Variants in SEMA6A observed in about 807,000 individuals in gnomAD.
SEMA6A encodes semaphorin-6A.
Under a neutral mutation model 96.8 loss-of-function variants are expected in SEMA6A, and 25 were observed. The ratio of observed to expected loss-of-function variants is 0.26; its 90% CI spans 0.19 to 0.36. The LOEUF is 0.36. Ranked by LOEUF, SEMA6A falls within the 10% of genes least tolerant of loss-of-function variation. The probability of loss-of-function intolerance (pLI) is 1.00; values close to 1 mark genes in which losing one functional copy is unlikely to be tolerated. For missense variants in SEMA6A, 1,363 were observed against 1,323.1 expected (o/e 1.03, Z -0.47); for synonymous variants, 612 against 518.0 (o/e 1.18, Z -2.46).
intron 3 of SEMA6A, among the ~76,000 whole-genome samples, chr5:116,498,186 C>G (rs1757695233): frequency 6.6e-6 from 1 of 152,112 alleles, no homozygotes; most frequent in African/African-American, 2.4e-5. Context: ...GAACTACACT[C>G]AACAGAGGAG....
intron 16 of SEMA6A, among the ~76,000 whole-genome samples, 159 bp downstream of exon 16, chr5:116,475,386 G>A (rs1250306104): frequency 3.9e-5 from 6 of 152,070 alleles, no homozygotes; most frequent in African/African-American, 1.4e-4. Flanking sequence ...GCTTTAGAAC[G>A]CACTGCTTTC....
rs140558779 is a variant in SEMA6A at position 116,564,583 on chromosome 5, G to A, written c.-39+9602C>T. Among the ~76,000 whole-genome samples the A allele has an allele frequency of 3.0e-3, 457 of 152,224 alleles. 1 individual carries two copies. The highest frequency in any genetic ancestry group is 5.6e-3 in the Admixed American group (86 of 15,288). ...GCATCACACGTGAAGCACATAAATC[G>A]CCAGAATGTGTGTATGTGTATCACC... On this transcript the variant is annotated intron_variant, in intron 1 of 18. Coordinates refer to ENST00000343348, the MANE Select transcript of SEMA6A (RefSeq NM_020796.5).
chr5:116,527,438 G>T (rs560340136), intron 1 of SEMA6A, among the ~76,000 whole-genome samples: 1 of 152,048 alleles, frequency 6.6e-6, no homozygotes, highest in Non-Finnish European at 1.5e-5. Context: ...AAATACATGC[G>T]CTTTTTTCTA....
chr5:116,496,455 CCGTAACAACAAA>C (rs1757608852), intron 4 of SEMA6A, 142 bp from the exon 5 acceptor site: 1 of 597,620 alleles, frequency 1.7e-6, no homozygotes, highest in Non-Finnish European at 2.8e-6. Context: ...GATTAATTCA[CCGTAACAACAAA>C]AGATTCCAGA....
intron 15 of SEMA6A, among the ~76,000 whole-genome samples, chr5:116,476,923 G>A (rs1756480023): frequency 6.6e-6 from 1 of 152,204 alleles, no homozygotes; most frequent in African/African-American, 2.4e-5. Flanking sequence ...CTGTTTACGA[G>A]AGTACTTGTC....
At chr5:116,465,230 G>C (rs1755655926) in intron 18 of SEMA6A, among the ~76,000 whole-genome samples, 1 of 152,168 alleles carries the variant, frequency 6.6e-6, no homozygotes. Context: ...ACGCCATCAT[G>C]AGTCAGAAAA....
intron 1 of SEMA6A, among the ~76,000 whole-genome samples, chr5:116,514,292 C>T (rs1184839071): frequency 1.3e-5 from 2 of 152,122 alleles, no homozygotes; most frequent in Non-Finnish European, 2.9e-5. Flanking sequence ...TTGCTAGTAT[C>T]TGTCGTTTTT....
intron 18 of SEMA6A, among the ~76,000 whole-genome samples, chr5:116,456,573 G>C (rs1755023777): frequency 6.6e-6 from 1 of 152,184 alleles, no homozygotes; most frequent in African/African-American, 2.4e-5. Flanking sequence ...CAATTTGCTT[G>C]CACCAAAACT....
intron 8 of SEMA6A, 47 bp from the exon 9 acceptor site, chr5:116,488,243 A>T (rs1447068363): frequency 7.9e-7 from 1 of 1,268,842 alleles, no homozygotes; most frequent in Admixed American, 1.9e-5. Flanking sequence ...AAACAGAGTT[A>T]ACAGAATTTC....
In SEMA6A at chr5:116,480,338, T is replaced by C. The variant is rs1580413861; in HGVS notation, c.1095-61A>G. On this transcript the variant is annotated intron_variant, in intron 11 of 18. Transcript: ENST00000343348. ...TATTTTCTGCCTTATGGCAAATTCT[T>C]TGAATGAACTGCTTCTCTAAGCATC... 6.9e-6 allele frequency: 11 copies of C among 1,585,540 alleles called. No individual in the cohort carries two copies. In the South Asian group the frequency reaches 1.1e-4, roughly 16 times the overall value.
intron 3 of SEMA6A, among the ~76,000 whole-genome samples, chr5:116,500,185 G>A (rs1225194443): frequency 6.6e-6 from 1 of 152,174 alleles, no homozygotes; most frequent in Non-Finnish European, 1.5e-5. Context: ...TACTCATAAT[G>A]ACCATGTTCT....
At chr5:116,519,430 T>C (rs542281938) in intron 1 of SEMA6A, among the ~76,000 whole-genome samples, 34 of 152,324 alleles carry the variant, frequency 2.2e-4, no homozygotes, top group African/African-American at 7.7e-4. Flanking sequence ...GGATGTTCCT[T>C]TGACTGTTCA....
intron 1 of SEMA6A, among the ~76,000 whole-genome samples, chr5:116,549,112 G>C (rs1760301409): frequency 1.3e-5 from 2 of 152,124 alleles, no homozygotes; most frequent in Admixed American, 1.3e-4. Flanking sequence ...TTAAAACCTA[G>C]ATGGAAAAAA....
intron 6 of SEMA6A, chr5:116,492,572 G>C (rs77514874): frequency 0.042 from 6,371 of 152,296 alleles, 210 homozygotes; most frequent in African/African-American, 0.082. Context: ...TTAGAGAATA[G>C]GAGGAAAAAG....
At chr5:116,510,458 A>G (rs1002580979) in intron 1 of SEMA6A, among the ~76,000 whole-genome samples, 1 of 152,156 alleles carries the variant, frequency 6.6e-6, no homozygotes, top group African/African-American at 2.4e-5. Context: ...CTGCCCCCTT[A>G]CTAGCTGGGA....
chr5:116,567,904 T>C (rs1435600705), intron 1 of SEMA6A, among the ~76,000 whole-genome samples: 1 of 152,238 alleles, frequency 6.6e-6, no homozygotes, highest in African/African-American at 2.4e-5. Context: ...ACTTTTAAAC[T>C]AATTCCTGGC....
chr5:116,479,120 C>T (rs897404441), intron 12 of SEMA6A, among the ~76,000 whole-genome samples: 2 of 152,100 alleles, frequency 1.3e-5, no homozygotes, highest in Admixed American at 6.5e-5. Flanking sequence ...GCAATGACTG[C>T]GATTTCTCCA....
chr5:116,531,050 G>T lies in SEMA6A; in HGVS notation c.-38-26068C>A, dbSNP rs114865678. 3.6e-3 allele frequency among the ~76,000 whole-genome samples: 554 copies of T among 152,204 alleles called. 8 individuals carry two copies. Among genetic ancestry groups the T allele is most frequent in the African/African-American group, 0.013 (525 of 41,524 alleles). ...AGGGATTTGAACCTGGGACAAACTGGCTCTGAAGCTCACATTCTTAAGTAC... is the reference window on the plus strand; with the variant it reads ...AGGGATTTGAACCTGGGACAAACTGTCTCTGAAGCTCACATTCTTAAGTAC... On this transcript the variant is annotated intron_variant, in intron 1 of 18. Coordinates refer to ENST00000343348, the MANE Select transcript of SEMA6A (RefSeq NM_020796.5).
At chr5:116,471,061 T>A (rs1433740531) in intron 17 of SEMA6A, 4 of 152,198 alleles carry the variant, frequency 2.6e-5, no homozygotes, top group Non-Finnish European at 5.9e-5. Flanking sequence ...TGCCAATATT[T>A]TTGTAAGTAC....
Sources: gnomAD v4.1 joint callset for allele counts (sites outside exome capture counted in the v4.1 genomes callset) on GRCh38, gnomAD v4.1.1 for gene constraint, MANE v1.5 for transcripts, NCBI Gene and HGNC (gene_info 2026-07-23, HGNC 2026-07-21) for gene names.